The following MAPK4 variants were observed in gnomAD, a reference collection of about 807,000 sequenced individuals.
The protein encoded by MAPK4 is mitogen-activated protein kinase 4.
MAPK4 carries 22 observed loss-of-function variants against 47.7 expected under a neutral mutation model. The ratio of observed to expected loss-of-function variants is 0.46; its 90% CI spans 0.33 to 0.66. The LOEUF is 0.66. Ranked by LOEUF, MAPK4 falls within the 30% of genes least tolerant of loss-of-function variation. MAPK4 has a pLI of 0.02. For synonymous variants in MAPK4, 390 were observed against 365.7 expected (o/e 1.07, Z -0.76); for missense variants, 736 against 831.7 (o/e 0.88, Z 1.42).
chr18:50,700,418 T>C (rs575666431), intron 2 of MAPK4, among the ~76,000 whole-genome samples: 1 of 152,362 alleles, frequency 6.6e-6, no homozygotes, highest in South Asian at 2.1e-4. Context: ...TGGAATACTC[T>C]ACAACTGTGA....
intron 1 of MAPK4, among the ~76,000 whole-genome samples, chr18:50,588,009 G>T (rs564739985): frequency 6.6e-6 from 1 of 152,230 alleles, no homozygotes; most frequent in East Asian, 1.9e-4. Flanking sequence ...GGGATTACAG[G>T]CATGAGCTAC....
At chr18:50,628,556 A>T (rs143802232) in intron 1 of MAPK4, among the ~76,000 whole-genome samples, 144 of 152,328 alleles carry the variant, frequency 9.5e-4, no homozygotes, top group African/African-American at 3.3e-3. Context: ...TTTTGGATCC[A>T]TGTTCTTATT....
At chr18:50,627,294 A>T (rs544652660) in intron 1 of MAPK4, among the ~76,000 whole-genome samples, 1 of 152,210 alleles carries the variant, frequency 6.6e-6, no homozygotes, top group Non-Finnish European at 1.5e-5. Flanking sequence ...AAGGATTCCG[A>T]AGGAAGGATT....
At chr18:50,637,631 G>T (rs1445054725) in intron 1 of MAPK4, among the ~76,000 whole-genome samples, 1 of 152,218 alleles carries the variant, frequency 6.6e-6, no homozygotes, top group Non-Finnish European at 1.5e-5. Flanking sequence ...GGGTGTATTT[G>T]TGTGCTGGGG....
chr18:50,593,911 C>T (rs769166959), intron 1 of MAPK4, among the ~76,000 whole-genome samples: 6 of 152,110 alleles, frequency 3.9e-5, no homozygotes, highest in Non-Finnish European at 4.4e-5. Context: ...GGCGAAGTCC[C>T]GCGACAAACT....
intron 1 of MAPK4, among the ~76,000 whole-genome samples, chr18:50,606,715 C>G (rs2042586239): frequency 6.6e-6 from 1 of 152,208 alleles, no homozygotes; most frequent in South Asian, 2.1e-4. Context: ...TGCAACTACT[C>G]AACTTTGCTG....
chr18:50,601,494 A>G (rs561243743), intron 1 of MAPK4, among the ~76,000 whole-genome samples: 6 of 152,054 alleles, frequency 3.9e-5, no homozygotes, highest in African/African-American at 1.4e-4. Flanking sequence ...TTTTGTCTCA[A>G]TTCCTTCCAC....
chr18:50,577,355 GCGTGGGGTCCAGACAT>G (rs889874387), intron 1 of MAPK4, among the ~76,000 whole-genome samples: 36 of 152,224 alleles, frequency 2.4e-4, no homozygotes, highest in African/African-American at 8.2e-4. Flanking sequence ...GATTTATATG[GCGTGGGGTCCAGACAT>G]CAGTTTTATT....
chr18:50,723,750 G>A (rs1348422951), intron 4 of MAPK4, among the ~76,000 whole-genome samples: 3 of 151,866 alleles, frequency 2.0e-5, no homozygotes, highest in Non-Finnish European at 4.4e-5. Context: ...TATGGTCTCA[G>A]CTACTTGGGA....
chr18:50,709,020 T>G (rs539161821), intron 2 of MAPK4, among the ~76,000 whole-genome samples: 1 of 152,334 alleles, frequency 6.6e-6, no homozygotes, highest in Non-Finnish European at 1.5e-5. Flanking sequence ...TCTCACACAT[T>G]GGCTCTCGGC....
chr18:50,633,470 C>T (rs562810945), intron 1 of MAPK4, among the ~76,000 whole-genome samples: 1 of 152,270 alleles, frequency 6.6e-6, no homozygotes, highest in Admixed American at 6.5e-5. Context: ...AACATCATAA[C>T]AAGTCCTGGC....
At chr18:50,700,584 G>C (rs914256385) in intron 2 of MAPK4, among the ~76,000 whole-genome samples, 1 of 152,176 alleles carries the variant, frequency 6.6e-6, no homozygotes, top group Non-Finnish European at 1.5e-5. Context: ...CACCAACCAG[G>C]GTTGTGGAAA....
chr18:50,564,723 ATTC>A (rs974622506), intron 1 of MAPK4, among the ~76,000 whole-genome samples: 5 of 152,314 alleles, frequency 3.3e-5, no homozygotes, highest in East Asian at 1.9e-4. Context: ...AAAGCCTCAA[ATTC>A]TTCTTTTTCT....
chr18:50,596,301 G>T (rs147836294), intron 1 of MAPK4, among the ~76,000 whole-genome samples: 1 of 152,046 alleles, frequency 6.6e-6, no homozygotes, highest in Non-Finnish European at 1.5e-5. Flanking sequence ...TGCTTCTTCC[G>T]CCTGTGCTAT....
chr18:50,605,997 A>G (rs1298814006), intron 1 of MAPK4, among the ~76,000 whole-genome samples: 1 of 150,510 alleles, frequency 6.6e-6, no homozygotes, highest in Non-Finnish European at 1.5e-5. Flanking sequence ...AACCACAGGA[A>G]AGTCTGGGCT....
chr18:50,719,840 A>G (rs1910842816), intron 3 of MAPK4, among the ~76,000 whole-genome samples: 2 of 152,188 alleles, frequency 1.3e-5, no homozygotes, highest in African/African-American at 4.8e-5. Context: ...GATGGTCGCA[A>G]TCGCTTTCAG....
At chr18:50,615,258 G>C (rs551719995) in intron 1 of MAPK4, among the ~76,000 whole-genome samples, 1 of 152,262 alleles carries the variant, frequency 6.6e-6, no homozygotes, top group South Asian at 2.1e-4. Flanking sequence ...GCCCTCTTCT[G>C]TCTAAGTTGT....
intron 2 of MAPK4, among the ~76,000 whole-genome samples, chr18:50,694,567 A>G (rs900534837): frequency 6.6e-6 from 1 of 152,226 alleles, no homozygotes; most frequent in Non-Finnish European, 1.5e-5. Flanking sequence ...TACTTAATGA[A>G]TGACAGATGT....
At chr18:50,652,422 T>G (rs982682503) in intron 1 of MAPK4, among the ~76,000 whole-genome samples, 10 of 152,154 alleles carry the variant, frequency 6.6e-5, no homozygotes, top group Non-Finnish European at 2.9e-5. Context: ...CTGATGCACC[T>G]GGGTAAGAGG....
Sources: allele counts gnomAD v4.1 joint callset (sites outside exome capture counted in the v4.1 genomes callset), GRCh38; gene constraint gnomAD v4.1.1; transcripts MANE v1.5; gene names NCBI Gene and HGNC (gene_info 2026-07-23, HGNC 2026-07-21).